TMEM87B: variants seen among roughly 807,000 people sequenced by gnomAD.
TMEM87B encodes the protein transmembrane protein 87B.
TMEM87B carries 83 observed loss-of-function variants against 80.3 expected under a neutral mutation model. The ratio of observed to expected loss-of-function variants is 1.03; its 90% CI spans 0.87 to 1.24. The LOEUF is 1.24. Ranked by LOEUF, TMEM87B falls within the 50% of genes most tolerant of loss-of-function variation. The probability of loss-of-function intolerance (pLI) is 0.00; values close to 1 mark genes in which losing one functional copy is unlikely to be tolerated. For missense variants in TMEM87B, 625 were observed against 674.4 expected, an observed-to-expected ratio of 0.93 and a Z score of 0.81; for synonymous variants, 219 against 230.5, an observed-to-expected ratio of 0.95 and a Z score of 0.45.
intron 1 of TMEM87B, among the ~76,000 whole-genome samples, chr2:112,058,333 C>G (rs1678144552): frequency 6.6e-6 from 1 of 152,162 alleles, no homozygotes; most frequent in Admixed American, 6.5e-5. Flanking sequence ...CTGTGTTGGC[C>G]AAGGCAAGTC....
intron 17 of TMEM87B, among the ~76,000 whole-genome samples, chr2:112,109,482 T>C (rs1250865801): frequency 2.0e-5 from 3 of 152,158 alleles, no homozygotes; most frequent in Non-Finnish European, 4.4e-5. Context: ...GATTGACTTT[T>C]GTTTGAGCAC....
chr2:112,110,119 G>T (rs962024164), intron 17 of TMEM87B, among the ~76,000 whole-genome samples: 4 of 152,082 alleles, frequency 2.6e-5, no homozygotes, highest in Non-Finnish European at 5.9e-5. Flanking sequence ...TTTTGTGGAA[G>T]GGATCATCTG....
chr2:112,066,360 T>TA (rs1201029466), intron 3 of TMEM87B, among the ~76,000 whole-genome samples: 20 of 152,234 alleles, frequency 1.3e-4, no homozygotes, highest in Admixed American at 1.0e-3. Flanking sequence ...TTACTGTTTT[T>TA]ATATATTTTG....
At chr2:112,095,192 TTTTTTTTTTTTTTTTTTTTTG>T (rs1679429258) in intron 11 of TMEM87B, 3 of 800,082 alleles carry the variant, frequency 3.7e-6, no homozygotes, top group Non-Finnish European at 4.3e-6. Context: ...TTTTTTTTTT[TTTTTTTTTTTTTTTTTTTTTG>T]CTGTTTTGCT....
intron 13 of TMEM87B, among the ~76,000 whole-genome samples, chr2:112,097,509 G>A (rs1161413778): frequency 2.0e-5 from 3 of 151,888 alleles, no homozygotes; most frequent in Non-Finnish European, 2.9e-5. Flanking sequence ...GGCGGATCAC[G>A]AGGTCAGGAG....
At chr2:112,113,543 A>G (rs1475196842) in intron 18 of TMEM87B, among the ~76,000 whole-genome samples, 1 of 152,260 alleles carries the variant, frequency 6.6e-6, no homozygotes, top group Non-Finnish European at 1.5e-5. Context: ...TTTTGGCATC[A>G]GTCTGTTATT....
At chr2:112,063,861 A>G (rs1678333520) in intron 2 of TMEM87B, among the ~76,000 whole-genome samples, 1 of 152,240 alleles carries the variant, frequency 6.6e-6, no homozygotes, top group African/African-American at 2.4e-5. Context: ...TTGAATGAAT[A>G]TGTGAGTGAG....
intron 16 of TMEM87B, among the ~76,000 whole-genome samples, chr2:112,107,539 C>CA (rs917992203): frequency 4.6e-5 from 7 of 151,116 alleles, no homozygotes; most frequent in South Asian, 2.1e-4. Context: ...TTTCTCAGGA[C>CA]AAAAAAAATA....
chr2:112,116,314 G>T lies in TMEM87B; in HGVS notation c.*171G>T. On this transcript the variant is annotated 3_prime_UTR_variant, in exon 19 of 19. Transcript: ENST00000283206. ...GAGGTTCTATAGTCCTTTTAAAGCT[G>T]ACTCTTGAGTGTCAGTTGAATATCC... is the stretch of plus-strand genomic sequence containing the variant. 1.8e-6 allele frequency: 1 copy of T among 560,910 alleles called. No homozygotes were observed. The highest frequency in any genetic ancestry group is 3.1e-6 in the Non-Finnish European group (1 of 321,626). The allele number at this position is 560,910 out of a possible 1,614,324, so 34.7% of individuals were successfully genotyped here. A position where few individuals can be genotyped will look rare whatever the true frequency, so the allele number is the denominator to read the frequency against.
Position 112,060,009 on chromosome 2 carries a change from G to A in TMEM87B, c.198G>A (p.Met66Ile), listed in dbSNP as rs371469786. ...KSGPLIFRKTMFNSTDIKLSV... is the reference protein window; with the variant it reads ...KSGPLIFRKTIFNSTDIKLSV... ...GACCTTTGATATTTAGGAAAACTAT[G>A]TTTAACTCTACAGATATCAAGTTAT... Residue 66 changes from methionine (M) to isoleucine (I), a missense_variant, in exon 2 of 19, where the codon ATG becomes ATA. Coordinates refer to ENST00000283206, the MANE Select transcript of TMEM87B (RefSeq NM_032824.3). The A allele has an allele frequency of 7.1e-5, 113 of 1,592,690 alleles. No individual in the cohort carries two copies. The highest frequency in any genetic ancestry group is 9.3e-5 in the Non-Finnish European group (109 of 1,166,166).
chr2:112,063,516 G>A (rs931450809), intron 2 of TMEM87B, among the ~76,000 whole-genome samples: 1 of 152,068 alleles, frequency 6.6e-6, no homozygotes. Flanking sequence ...CTATTTTCAG[G>A]GGTCATACTC....
intron 10 of TMEM87B, among the ~76,000 whole-genome samples, chr2:112,090,715 G>A (rs918624332): frequency 1.3e-5 from 2 of 152,172 alleles, no homozygotes; most frequent in African/African-American, 4.8e-5. Context: ...ACAGATATGA[G>A]CTACCACTCA....
intron 17 of TMEM87B, among the ~76,000 whole-genome samples, chr2:112,108,128 C>T (rs960348258): frequency 7.2e-5 from 11 of 152,000 alleles, no homozygotes; most frequent in Non-Finnish European, 1.0e-4. Flanking sequence ...TTATGGAAAA[C>T]GTCAAATGTA....
intron 2 of TMEM87B, among the ~76,000 whole-genome samples, chr2:112,063,351 T>G (rs1170576434): frequency 6.6e-6 from 1 of 152,268 alleles, no homozygotes; most frequent in Non-Finnish European, 1.5e-5. Context: ...TTAATGCTTT[T>G]CAGTCTGCCT....
At chr2:112,076,842 T>TTTTGTGTG (rs1352402751) in intron 5 of TMEM87B, among the ~76,000 whole-genome samples, 2 of 139,186 alleles carry the variant, frequency 1.4e-5, no homozygotes, top group Non-Finnish European at 3.1e-5. Flanking sequence ...CTTTTCTGTT[T>TTTTGTGTG]TGTGTGTGTG....
At chr2:112,096,302 A>C (rs1679467321) in intron 11 of TMEM87B, among the ~76,000 whole-genome samples, 1 of 152,182 alleles carries the variant, frequency 6.6e-6, no homozygotes, top group African/African-American at 2.4e-5. Context: ...CCTCCCGAGA[A>C]TCTGCAGACC....
In TMEM87B at chr2:112,077,285, A is replaced by G. The variant is rs146130208; in HGVS notation, c.592+3A>G. On this transcript the variant is annotated splice_donor_region_variant and intron_variant, in intron 6 of 18. Transcript: ENST00000283206. ...AGATGCAAGCTGGAATTTGAATGGT[A>G]TAGTTAAACTGCATGCATGTTTACT... The G allele has an allele frequency of 6.0e-6, 9 of 1,509,674 alleles. No individual in the cohort carries two copies. In the Admixed American group the frequency reaches 1.5e-4, roughly 26 times the overall value. The allele number at this position is 1,509,674 out of a possible 1,614,324, so 93.5% of individuals were successfully genotyped here.
intron 15 of TMEM87B, among the ~76,000 whole-genome samples, chr2:112,103,107 G>A (rs1679677531): frequency 6.6e-6 from 1 of 152,182 alleles, no homozygotes; most frequent in African/African-American, 2.4e-5. Context: ...AAGTGACTGT[G>A]ACAGTCATAG....
intron 11 of TMEM87B, among the ~76,000 whole-genome samples, chr2:112,093,299 C>G (rs1199990664): frequency 1.4e-4 from 21 of 152,202 alleles, no homozygotes; most frequent in Non-Finnish European, 8.8e-5. Flanking sequence ...GTGCTACAAA[C>G]CTAAAATTTG....
Sources: allele counts gnomAD v4.1 joint callset (sites outside exome capture counted in the v4.1 genomes callset), GRCh38; gene constraint gnomAD v4.1.1; transcripts MANE v1.5; gene names NCBI Gene and HGNC (gene_info 2026-07-23, HGNC 2026-07-21).